The following SEL1L variants were observed in gnomAD, a reference collection of about 807,000 sequenced individuals.
The protein encoded by SEL1L is SEL1L adaptor subunit of SYVN1 ubiquitin ligase, also known as protein sel-1 homolog 1.
A neutral mutation model predicts 109.8 loss-of-function variants in SEL1L; 52 were observed. The observed-to-expected ratio is 0.47, with a 90% CI of 0.38 to 0.60. The LOEUF is 0.60. Among genes scored for constraint, SEL1L ranks in the 20% least tolerant of loss-of-function variants. The pLI, the probability that SEL1L is intolerant of heterozygous loss-of-function variation, is 0.00. For missense variants in SEL1L, 749 were observed against 962.2 expected, an observed-to-expected ratio of 0.78 and a Z score of 2.93; for synonymous variants, 373 against 339.6, an observed-to-expected ratio of 1.10 and a Z score of -1.08.
intron 6 of SEL1L, 42 bp downstream of exon 6, chr14:81,502,679 A>C: frequency 1.3e-6 from 2 of 1,580,556 alleles, no homozygotes; most frequent in Non-Finnish European, 1.7e-6. Flanking sequence ...AAAACTAACA[A>C]GTGTTACATG....
intron 13 of SEL1L, among the ~76,000 whole-genome samples, chr14:81,490,037 C>T (rs913194662): frequency 6.6e-6 from 1 of 152,150 alleles, no homozygotes; most frequent in African/African-American, 2.4e-5. Context: ...AAATTATGTA[C>T]TATGATTATC....
chr14:81,516,876 T>A (rs74700444), intron 3 of SEL1L, among the ~76,000 whole-genome samples: 1,531 of 152,296 alleles, frequency 0.01, 22 homozygotes, highest in African/African-American at 0.035. Context: ...TCCTCCAGAC[T>A]TCCCCCCCAT....
In SEL1L at chr14:81,533,588, C is replaced by G. The variant is rs1885419121; in HGVS notation, c.70+87G>C. On this transcript the variant is annotated intron_variant, in intron 1 of 20. Coordinates refer to ENST00000336735, the MANE Select transcript of SEL1L (RefSeq NM_005065.6). ...GATGTGCCCAGGGAGAACGGGGTCCCGAGCCTGGAGTCCCCACGGCCCCGC... is the reference window on the plus strand; with the variant it reads ...GATGTGCCCAGGGAGAACGGGGTCCGGAGCCTGGAGTCCCCACGGCCCCGC... The G allele has an allele frequency of 9.1e-6, 12 of 1,319,932 alleles. No individual in the cohort carries two copies. In the Admixed American group the frequency reaches 2.0e-4, roughly 21 times the overall value. The allele number at this position is 1,319,932 out of a possible 1,614,324, so 81.8% of individuals were successfully genotyped here.
At chr14:81,492,448 A>AG (rs756075435) in intron 12 of SEL1L, 32 bp downstream of exon 12, 36 of 1,478,216 alleles carry the variant, frequency 2.4e-5, no homozygotes, top group Non-Finnish European at 3.3e-5. Flanking sequence ...ACCTCTTGCT[A>AG]TTACATAAAA....
chr14:81,513,917 G>A (rs1884592300), intron 3 of SEL1L, among the ~76,000 whole-genome samples: 1 of 152,202 alleles, frequency 6.6e-6, no homozygotes, highest in Admixed American at 6.5e-5. Context: ...AACTCTCGAA[G>A]TCACGTCGCC....
Position 81,479,621 on chromosome 14 carries a change from C to T in SEL1L, c.2166G>A (p.Arg722=). The part of the protein sequence containing the change: ...LGVVYFLQYI[R]ETNIRDMFTQ... ...GGTACGGACCACTTACGTTTGTTTC[C>T]CGTATGTACTGCAAGAAATAGACGA... The change falls in exon 20 of 21, where the codon CGG becomes CGA. Residue 722 remains arginine, a synonymous_variant. Coordinates refer to ENST00000336735, the MANE Select transcript of SEL1L (RefSeq NM_005065.6). 3 of 1,610,116 alleles carry T rather than the reference C, an allele frequency of 1.9e-6. No individual in the cohort carries two copies. Among genetic ancestry groups the T allele is most frequent in the Non-Finnish European group, 2.5e-6 (3 of 1,178,756 alleles).
intron 3 of SEL1L, among the ~76,000 whole-genome samples, chr14:81,523,873 G>C (rs1885014773): frequency 6.6e-6 from 1 of 152,150 alleles, no homozygotes; most frequent in Non-Finnish European, 1.5e-5. Context: ...CAGTGAGAAA[G>C]AGAAAGAAAA....
intron 3 of SEL1L, among the ~76,000 whole-genome samples, chr14:81,514,377 C>A (rs944776363): frequency 3.7e-4 from 57 of 152,318 alleles, no homozygotes; most frequent in African/African-American, 1.3e-3. Flanking sequence ...ACTTCATTTT[C>A]AGGGCATAAC....
chr14:81,533,589 G>T, intron 1 of SEL1L, 86 bp downstream of exon 1: 2 of 1,321,604 alleles, frequency 1.5e-6, no homozygotes, highest in Non-Finnish European at 2.1e-6. Context: ...ACGGGGTCCC[G>T]AGCCTGGAGT....
chr14:81,517,929 ACTTCTT>A (rs149436372), intron 3 of SEL1L, among the ~76,000 whole-genome samples: 1 of 151,480 alleles, frequency 6.6e-6, no homozygotes, highest in African/African-American at 2.4e-5. Context: ...CTGGGACTGA[ACTTCTT>A]CTTCTTTTTT....
At chr14:81,502,598 C>A in intron 6 of SEL1L, 123 bp downstream of exon 6, 1 of 957,884 alleles carries the variant, frequency 1.0e-6, no homozygotes, top group Non-Finnish European at 1.5e-6. Context: ...AATGGTCAGC[C>A]ACAAAATTGG....
At chr14:81,509,990 C>G (rs1318495311) in intron 3 of SEL1L, among the ~76,000 whole-genome samples, 1 of 152,144 alleles carries the variant, frequency 6.6e-6, no homozygotes, top group Admixed American at 6.5e-5. Flanking sequence ...GGGGCATCGT[C>G]AACACGGAAG....
intron 12 of SEL1L, 123 bp from the exon 13 acceptor site, chr14:81,490,588 C>T: frequency 1.4e-6 from 1 of 739,858 alleles, no homozygotes; most frequent in Non-Finnish European, 2.3e-6. Context: ...ATTTAGAATT[C>T]CCCACAGGAT....
rs141870203 is a variant in SEL1L, at chr14:81,520,978, G to A, written c.340+5755C>T. ...GTCTAATTGAGGAAAGAAACGACCC[G>A]AGAGCAGCTCTGGCAGTCACAGACT... On this transcript the variant is annotated intron_variant, in intron 3 of 20. Coordinates refer to ENST00000336735, the MANE Select transcript of SEL1L (RefSeq NM_005065.6). Among the ~76,000 whole-genome samples the A allele has an allele frequency of 4.8e-3, 731 of 152,210 alleles. 3 individuals are homozygous for A. Among genetic ancestry groups the A allele is most frequent in the African/African-American group, 0.017 (713 of 41,522 alleles).
chr14:81,531,171 C>A (rs995864887), intron 1 of SEL1L, among the ~76,000 whole-genome samples: 1 of 152,200 alleles, frequency 6.6e-6, no homozygotes, highest in Non-Finnish European at 1.5e-5. Flanking sequence ...CCAATGGCTA[C>A]AATGTCACTA....
chr14:81,483,024 AC>A (rs933101711), intron 19 of SEL1L, among the ~76,000 whole-genome samples: 1 of 152,316 alleles, frequency 6.6e-6, no homozygotes, highest in African/African-American at 2.4e-5. Context: ...TTTCAACACA[AC>A]TGAAGAGGGA....
In SEL1L at chr14:81,490,399, C is replaced by G. The variant is rs1883492700; in HGVS notation, c.1321G>C (p.Ala441Pro). Residue 441 changes from alanine to proline, a missense_variant, in exon 13 of 21, where the codon GCT (alanine) becomes CCT (proline). Ala to Pro is a conservative substitution (Grantham distance 27). This residue lies in a region of SEL1L where 383 missense variants were observed against 562.5 expected (regional missense o/e 0.68). Transcript: ENST00000336735. ...NETALHYFKK[A>P]ADMGNPVGQS... Reference sequence around the variant, plus strand: ...AGACAAAGCCTTACCATGTCAGCAGCTTTCTTAAAGTAGTGGAGAGCTGTC... The same window carrying G: ...AGACAAAGCCTTACCATGTCAGCAGGTTTCTTAAAGTAGTGGAGAGCTGTC... 6.2e-7 allele frequency: 1 copy of G among 1,612,924 alleles called. No homozygotes were observed. Among genetic ancestry groups the G allele is most frequent in the South Asian group, 1.1e-5 (1 of 91,044 alleles).
intron 5 of SEL1L, among the ~76,000 whole-genome samples, chr14:81,503,339 T>C (rs150173754): frequency 2.0e-5 from 3 of 152,042 alleles, no homozygotes; most frequent in Non-Finnish European, 4.4e-5. Flanking sequence ...AAACATCCCT[T>C]TTTTTAATTT....
rs751888734 is a variant in SEL1L at position 81,527,743 on chromosome 14, A to G, written c.71-5T>C. On this transcript the variant is annotated splice_polypyrimidine_tract_variant and splice_region_variant and intron_variant, in intron 1 of 20. Coordinates refer to ENST00000336735, the MANE Select transcript of SEL1L (RefSeq NM_005065.6). The stretch of plus-strand genomic sequence containing the variant: ...CATCCTGGCTGCCTTCTTCATCTGC[A>G]AAGAAATTTTAAGACAATTTAGTAA... The G allele has an allele frequency of 4.4e-6, 7 of 1,598,720 alleles. No individual in the cohort carries two copies. Among genetic ancestry groups the G allele is most frequent in the Non-Finnish European group, 6.0e-6 (7 of 1,170,424 alleles).
Sources: allele counts gnomAD v4.1 joint callset (sites outside exome capture counted in the v4.1 genomes callset), GRCh38; gene constraint gnomAD v4.1.1; regional missense constraint gnomAD v4.1.1; transcripts MANE v1.5; gene names NCBI Gene and HGNC (gene_info 2026-07-23, HGNC 2026-07-21).